C8orf34: variants seen among roughly 807,000 people sequenced by gnomAD.
C8orf34 encodes chromosome 8 open reading frame 34.
A neutral mutation model predicts 68.3 loss-of-function variants in C8orf34; 65 were observed. The observed-to-expected ratio is 0.95, with a 90% CI of 0.78 to 1.17. C8orf34 has a LOEUF of 1.17. Ranked by LOEUF, C8orf34 falls within the 50% of genes most tolerant of loss-of-function variation. C8orf34 has a pLI of 0.00. For synonymous variants in C8orf34, 244 were observed against 241.2 expected, an observed-to-expected ratio of 1.01 and a Z score of -0.11; for missense variants, 664 against 655.4, an observed-to-expected ratio of 1.01 and a Z score of -0.14.
intron 12 of C8orf34, chr8:68,791,333 A>T (rs1823987914): frequency 5.9e-6 from 1 of 169,640 alleles, no homozygotes. Context: ...AGAGAACAAC[A>T]AGGGGGATAT....
intron 5 of C8orf34, among the ~76,000 whole-genome samples, chr8:68,518,206 G>A (rs148521157): frequency 4.9e-4 from 75 of 152,208 alleles, no homozygotes; most frequent in African/African-American, 1.8e-3. Flanking sequence ...AAGGAAGAAG[G>A]CACAATTTAT....
chr8:68,807,851 G>T (rs2129529810), intron 12 of C8orf34, among the ~76,000 whole-genome samples: 1 of 152,306 alleles, frequency 6.6e-6, no homozygotes, highest in South Asian at 2.1e-4. Flanking sequence ...TTTAAGTTGG[G>T]CTTTATTCCT....
At chr8:68,403,535 GC>G (rs938140179) in intron 1 of C8orf34, among the ~76,000 whole-genome samples, 1 of 151,346 alleles carries the variant, frequency 6.6e-6, no homozygotes, top group Admixed American at 6.6e-5. Flanking sequence ...CCCTCCCCTA[GC>G]CCCCCACCCC....
At chr8:68,769,693 G>A (rs1823284375) in intron 10 of C8orf34, among the ~76,000 whole-genome samples, 1 of 152,078 alleles carries the variant, frequency 6.6e-6, no homozygotes, top group Non-Finnish European at 1.5e-5. Flanking sequence ...TATAGATTCT[G>A]TGTACATCCA....
intron 7 of C8orf34, among the ~76,000 whole-genome samples, chr8:68,558,999 T>C (rs1816339826): frequency 6.6e-6 from 1 of 152,154 alleles, no homozygotes; most frequent in Admixed American, 6.5e-5. Context: ...ACAGAAGACA[T>C]GATTAACAAG....
chr8:68,595,929 T>C (rs1401486666), intron 7 of C8orf34, among the ~76,000 whole-genome samples: 1 of 152,140 alleles, frequency 6.6e-6, no homozygotes, highest in African/African-American at 2.4e-5. Flanking sequence ...TTATCCAATA[T>C]CTTCAAGTGG....
At chr8:68,637,687 A>G (rs1818886019) in intron 7 of C8orf34, among the ~76,000 whole-genome samples, 1 of 152,214 alleles carries the variant, frequency 6.6e-6, no homozygotes. Flanking sequence ...ATTCAAATTT[A>G]GAATTACATA....
At chr8:68,412,446 T>C (rs1809482528) in intron 1 of C8orf34, among the ~76,000 whole-genome samples, 1 of 152,152 alleles carries the variant, frequency 6.6e-6, no homozygotes, top group African/African-American at 2.4e-5. Flanking sequence ...AATAGACCTG[T>C]CTTTGAACTC....
intron 8 of C8orf34, among the ~76,000 whole-genome samples, chr8:68,707,293 C>T (rs866742351): frequency 1.3e-5 from 2 of 152,058 alleles, no homozygotes; most frequent in Non-Finnish European, 2.9e-5. Flanking sequence ...TGGAGGGCAC[C>T]GTGTGGACAA....
chr8:68,338,332 A>C (rs1467731296), intron 1 of C8orf34, among the ~76,000 whole-genome samples: 1 of 152,108 alleles, frequency 6.6e-6, no homozygotes, highest in Non-Finnish European at 1.5e-5. Flanking sequence ...GCCACATTCA[A>C]ACCACAGCAT....
At chr8:68,432,925 G>A (rs1810508715) in intron 1 of C8orf34, among the ~76,000 whole-genome samples, 2 of 152,116 alleles carry the variant, frequency 1.3e-5, no homozygotes, top group Admixed American at 1.3e-4. Flanking sequence ...AAAATAGAAT[G>A]AGAGAAAAGG....
At chr8:68,524,692 A>G (rs1244440667) in intron 6 of C8orf34, among the ~76,000 whole-genome samples, 1 of 152,210 alleles carries the variant, frequency 6.6e-6, no homozygotes, top group African/African-American at 2.4e-5. Context: ...GGGAAAACAT[A>G]TACATTCATT....
At chr8:68,366,052 C>T (rs2129619566) in intron 1 of C8orf34, among the ~76,000 whole-genome samples, 1 of 49,702 alleles carries the variant, frequency 2.0e-5, no homozygotes, top group East Asian at 3.9e-4. Flanking sequence ...AGCAAAGTCT[C>T]AGGATACAAA....
chr8:68,678,796 T>C (rs1415820811), intron 8 of C8orf34, among the ~76,000 whole-genome samples: 1 of 150,550 alleles, frequency 6.6e-6, no homozygotes, highest in Non-Finnish European at 1.5e-5. Flanking sequence ...AAGGAAAAAG[T>C]TAAATTATCC....
At chr8:68,571,555 G>A (rs1816758641) in intron 7 of C8orf34, among the ~76,000 whole-genome samples, 1 of 160 alleles carries the variant, frequency 6.3e-3, no homozygotes, top group Non-Finnish European at 0.012. Context: ...TGCTTATTGT[G>A]TTGTTGGTGG....
chr8:68,645,749 C>T (rs1563582764), intron 8 of C8orf34, among the ~76,000 whole-genome samples: 1 of 152,154 alleles, frequency 6.6e-6, no homozygotes, highest in Admixed American at 6.5e-5. Context: ...CTCCAAAGAG[C>T]CCATCAACGA....
At chr8:68,435,784 A>G (rs2890426) in intron 1 of C8orf34, among the ~76,000 whole-genome samples, 49,895 of 152,108 alleles carry the variant, frequency 0.33, 8,314 homozygotes, top group Admixed American at 0.42. Context: ...ATATAGCTCA[A>G]GCACTTAATG....
intron 11 of C8orf34, among the ~76,000 whole-genome samples, chr8:68,779,178 GAA>G (rs1474382036): frequency 1.7e-5 from 2 of 116,508 alleles, no homozygotes; most frequent in East Asian, 5.7e-4. Context: ...TCCTGTCTCT[GAA>G]ACACACACAC....
At chr8:68,549,530 C>T (rs991183769) in intron 7 of C8orf34, among the ~76,000 whole-genome samples, 9 of 151,680 alleles carry the variant, frequency 5.9e-5, no homozygotes, top group Non-Finnish European at 7.4e-5. Flanking sequence ...ATATTATACA[C>T]TTAGTATCTG....
Sources: allele counts gnomAD v4.1 joint callset (sites outside exome capture counted in the v4.1 genomes callset), GRCh38; gene constraint gnomAD v4.1.1; transcripts MANE v1.5; gene names NCBI Gene and HGNC (gene_info 2026-07-23, HGNC 2026-07-21).